The following THEMIS2 variants were observed in gnomAD, a reference collection of about 807,000 sequenced individuals.
THEMIS2 encodes the protein protein THEMIS2.
In THEMIS2, 29 loss-of-function variants were observed where a neutral mutation model predicts 46.8. That is an observed-to-expected ratio of 0.62 (90% confidence interval 0.46 to 0.84). THEMIS2 has a LOEUF of 0.84. Ranked by LOEUF, THEMIS2 falls within the 40% of genes least tolerant of loss-of-function variation. THEMIS2 has a pLI of 0.00. For synonymous variants in THEMIS2, 335 were observed against 349.1 expected (o/e 0.96, Z 0.45); for missense variants, 698 against 834.7 (o/e 0.84, Z 2.02).
chr1:27,886,356 C>T lies in THEMIS2; in HGVS notation c.*434C>T, dbSNP rs1340828311. Reference sequence around the variant, plus strand: ...CTCTCACCCCCAAGCTCTAAGCCCCCGGGAGGCCTGGACTGTCTTCCTCAT... The same window carrying T: ...CTCTCACCCCCAAGCTCTAAGCCCCTGGGAGGCCTGGACTGTCTTCCTCAT... On this transcript the variant is annotated 3_prime_UTR_variant, in exon 6 of 6. Coordinates refer to ENST00000373921, the MANE Select transcript of THEMIS2 (RefSeq NM_001105556.3). 4 of 205,248 alleles carry T rather than the reference C, an allele frequency of 1.9e-5. No homozygotes were observed. Among genetic ancestry groups the T allele is most frequent in the East Asian group, 2.8e-4 (2 of 7,110 alleles). 12.7% of individuals were successfully genotyped at this position (205,248 alleles called of 1,614,324 possible).
In THEMIS2 at chr1:27,882,755, G is replaced by A. The variant is rs78487802; in HGVS notation, c.1431G>A (p.Leu477=). ...TGACCTCCTTCCTGGGCCTGCGGCT[G>A]GAGGAGAAGATCACAGAGCCATTCT... is the stretch of plus-strand genomic sequence containing the variant. ...DPLTSFLGLR[L]EEKITEPFLV... Residue 477 remains leucine, a synonymous_variant, in exon 4 of 6, where the codon CTG becomes CTA. Coordinates refer to ENST00000373921, the MANE Select transcript of THEMIS2 (RefSeq NM_001105556.3). The surrounding 1 kb of genome is among the most constrained non-coding windows in gnomAD (Gnocchi z 7.6). 8.9e-4 allele frequency: 1,443 copies of A among 1,613,980 alleles called. 21 individuals are homozygous for A. In the African/African-American group the frequency reaches 0.017, roughly 19 times the overall value.
chr1:27,886,043 T>C lies in THEMIS2; in HGVS notation c.*121T>C. The C allele has an allele frequency of 1.1e-6, 1 of 893,508 alleles. No homozygotes were observed. The highest frequency in any genetic ancestry group is 1.7e-5 in the African/African-American group (1 of 59,450). 55.3% of individuals were successfully genotyped at this position (893,508 alleles called of 1,614,324 possible). A position where few individuals can be genotyped will look rare whatever the true frequency, so the allele number is the denominator to read the frequency against. ...CAGAAACTGAGCTGCAGACGGGGAGTAGCTTTGTGGAAACTGATTTGATGG... is the reference window on the plus strand; with the variant it reads ...CAGAAACTGAGCTGCAGACGGGGAGCAGCTTTGTGGAAACTGATTTGATGG... On this transcript the variant is annotated 3_prime_UTR_variant, in exon 6 of 6. Coordinates refer to ENST00000373921, the MANE Select transcript of THEMIS2 (RefSeq NM_001105556.3).
chr1:27,879,587 G>A, intron 2 of THEMIS2, 57 bp from the exon 3 acceptor site: 2 of 1,476,340 alleles, frequency 1.4e-6, no homozygotes, highest in East Asian at 2.3e-5. Flanking sequence ...CCTGACAAAG[G>A]CCTGCCCCAC....
At chr1:27,875,845 T>C (rs980844287) in intron 1 of THEMIS2, among the ~76,000 whole-genome samples, 10 of 151,992 alleles carry the variant, frequency 6.6e-5, no homozygotes, top group East Asian at 1.9e-4. Flanking sequence ...GAACTACAGG[T>C]GCCCGCCACC....
In THEMIS2 at chr1:27,885,230, G is replaced by A. The variant is rs571140318; in HGVS notation, c.1720-65G>A. The A allele has an allele frequency of 1.7e-5, 26 of 1,565,894 alleles. No homozygotes were observed. In the East Asian group the frequency reaches 2.0e-4, roughly 12 times the overall value. On this transcript the variant is annotated intron_variant, in intron 4 of 5. Coordinates refer to ENST00000373921, the MANE Select transcript of THEMIS2 (RefSeq NM_001105556.3). Reference sequence around the variant, plus strand: ...GAAGTGACACTTAACGTGAATGACCGTTTTTCATGGACTCTGCTTCCCCAT... The same window carrying A: ...GAAGTGACACTTAACGTGAATGACCATTTTTCATGGACTCTGCTTCCCCAT...
chr1:27,885,960 A>G lies in THEMIS2; in HGVS notation c.*38A>G. On this transcript the variant is annotated 3_prime_UTR_variant, in exon 6 of 6. Transcript: ENST00000373921. Reference sequence around the variant, plus strand: ...CCACGCTTCCTAACTGCTGCTTCTCAGGGAATCCGACACCAGCCAACCATT... The same window carrying G: ...CCACGCTTCCTAACTGCTGCTTCTCGGGGAATCCGACACCAGCCAACCATT... The G allele has an allele frequency of 1.2e-6, 2 of 1,605,278 alleles. No homozygotes were observed. Among genetic ancestry groups the G allele is most frequent in the Non-Finnish European group, 8.5e-7 (1 of 1,172,110 alleles).
Position 27,882,504 on chromosome 1 carries a change from G to C in THEMIS2, c.1180G>C (p.Val394Leu). The change falls in exon 4 of 6, where the codon GTT becomes CTT. Residue 394 changes from valine to leucine, a missense_variant. Transcript: ENST00000373921. The surrounding 1 kb of genome is among the most constrained non-coding windows in gnomAD (Gnocchi z 7.6). ...GAQGSDVDVL[V>L]CQRLSDQAGE... Reference sequence around the variant, plus strand: ...CCAGGGCAGTGACGTGGATGTCTTGGTTTGTCAGCGGCTGAGTGACCAGGC... The same window carrying C: ...CCAGGGCAGTGACGTGGATGTCTTGCTTTGTCAGCGGCTGAGTGACCAGGC... 1 of 1,613,590 alleles carries C rather than the reference G, an allele frequency of 6.2e-7. No homozygotes were observed. The highest frequency in any genetic ancestry group is 8.5e-7 in the Non-Finnish European group (1 of 1,179,536).
chr1:27,880,942 T>TA (rs975795332), intron 3 of THEMIS2, among the ~76,000 whole-genome samples: 2 of 151,806 alleles, frequency 1.3e-5, no homozygotes, highest in African/African-American at 4.8e-5. Context: ...CATGCCCAGA[T>TA]AATTTTTTTG....
rs777051868 is a variant in THEMIS2, at chr1:27,882,534, G to T, written c.1210G>T (p.Glu404Ter). The stretch of plus-strand genomic sequence containing the variant: ...TCAGCGGCTGAGTGACCAGGCTGGG[G>T]AGGATGAGGAGGAAGAGTGCAAAGA... Reference protein sequence around the residue: ...VCQRLSDQAGEDEEEECKEEA... With the variant: ...VCQRLSDQAG The change falls in exon 4 of 6, where the codon GAG becomes TAG. Residue 404 changes from glutamate to a stop codon, truncating the protein, a stop_gained. Transcript: ENST00000373921. LOFTEE classifies it high-confidence loss of function. The surrounding 1 kb of genome is among the most constrained non-coding windows in gnomAD (Gnocchi z 7.6). 1 of 1,614,138 alleles carries T rather than the reference G, an allele frequency of 6.2e-7. No individual in the cohort carries two copies. Among genetic ancestry groups the T allele is most frequent in the South Asian group, 1.1e-5 (1 of 91,090 alleles).
Position 27,885,997 on chromosome 1 carries a change from A to C in THEMIS2, c.*75A>C, listed in dbSNP as rs2089765259. 1 of 1,467,318 alleles carries C rather than the reference A, an allele frequency of 6.8e-7. No individual in the cohort carries two copies. Among genetic ancestry groups the C allele is most frequent in the East Asian group, 2.3e-5 (1 of 44,110 alleles). The allele number at this position is 1,467,318 out of a possible 1,614,324, so 90.9% of individuals were successfully genotyped here. ...ACCAGCCAACCATTTTAAGCCTCTA[A>C]AAGACCTCGGGCAAGTCTCACAGAA... is the stretch of plus-strand genomic sequence containing the variant. On this transcript the variant is annotated 3_prime_UTR_variant, in exon 6 of 6. Transcript: ENST00000373921.
chr1:27,886,388 A>G lies in THEMIS2; in HGVS notation c.*466A>G, dbSNP rs891723176. ...CCTGGACTGTCTTCCTCATCTCTGT[A>G]GCACCAAGCCTGATAGATCTGTATA... is the stretch of plus-strand genomic sequence containing the variant. On this transcript the variant is annotated 3_prime_UTR_variant, in exon 6 of 6. Transcript: ENST00000373921. The G allele has an allele frequency of 2.2e-5, 4 of 180,356 alleles. No individual in the cohort carries two copies. Among genetic ancestry groups the G allele is most frequent in the East Asian group, 1.6e-4 (1 of 6,194 alleles). 11.2% of individuals were successfully genotyped at this position (180,356 alleles called of 1,614,324 possible). A position where few individuals can be genotyped will look rare whatever the true frequency, so the allele number is the denominator to read the frequency against.
chr1:27,877,029 G>A (rs900565136), intron 2 of THEMIS2, among the ~76,000 whole-genome samples: 2 of 152,202 alleles, frequency 1.3e-5, no homozygotes, highest in Non-Finnish European at 1.5e-5. Context: ...CCAAACATCT[G>A]CAGACACCCA....
intron 5 of THEMIS2, 43 bp from the exon 6 acceptor site, chr1:27,885,824 T>TA: frequency 6.2e-7 from 1 of 1,603,856 alleles, no homozygotes. Flanking sequence ...GGAAGGAACT[T>TA]GCCTAACGCT....
At chr1:27,877,320 A>AT (rs200817055) in intron 2 of THEMIS2, among the ~76,000 whole-genome samples, 14 of 151,436 alleles carry the variant, frequency 9.2e-5, no homozygotes, top group South Asian at 6.3e-4. Context: ...AATTCTTATT[A>AT]TTTTTTTTTA....
rs373419453 is a variant in THEMIS2, at chr1:27,879,243, G to A, written c.236-401G>A. Among the ~76,000 whole-genome samples, 5 of 152,218 alleles carry A rather than the reference G, an allele frequency of 3.3e-5. No individual in the cohort carries two copies. In the East Asian group the frequency reaches 7.7e-4, roughly 24 times the overall value. ...GGATGTTCGTTTGGGAGAGAGGGAC[G>A]GCAGGTTTTGGATGAGTGGGATCGG... On this transcript the variant is annotated intron_variant, in intron 2 of 5. Coordinates refer to ENST00000373921, the MANE Select transcript of THEMIS2 (RefSeq NM_001105556.3).
chr1:27,878,122 C>CA (rs71586806), intron 2 of THEMIS2, among the ~76,000 whole-genome samples: 36,329 of 77,396 alleles, frequency 0.47, 7,427 homozygotes, highest in African/African-American at 0.57. Flanking sequence ...CTCTGTCTCT[C>CA]AAAAAAAAAA....
Position 27,882,696 on chromosome 1 carries a change from G to A in THEMIS2, c.1372G>A (p.Val458Met). 4.3e-6 allele frequency: 7 copies of A among 1,614,050 alleles called. No homozygotes were observed. The highest frequency in any genetic ancestry group is 5.9e-6 in the Non-Finnish European group (7 of 1,180,010). ...QFSLPCEVKV[V>M]AKDTSHPTDP... ...TTCACTGCCTTGTGAGGTCAAGGTGGTGGCCAAGGACACCAGCCACCCCAC... is the reference window on the plus strand; with the variant it reads ...TTCACTGCCTTGTGAGGTCAAGGTGATGGCCAAGGACACCAGCCACCCCAC... The change falls in exon 4 of 6, where the codon GTG (valine) becomes ATG (methionine). Residue 458 changes from valine (V) to methionine (M), a missense_variant. Transcript: ENST00000373921. This position sits in a 1 kb window ranked among gnomAD's most constrained non-coding sequence, Gnocchi z 7.6.
At chr1:27,880,110 C>T (rs1396153711) in intron 3 of THEMIS2, 56 bp downstream of exon 3, 4 of 1,515,206 alleles carry the variant, frequency 2.6e-6, no homozygotes, top group Non-Finnish European at 3.6e-6. Context: ...GAGGGTTGCC[C>T]CTGGGAGCTG....
Position 27,879,962 on chromosome 1 carries a change from C to G in THEMIS2, c.554C>G (p.Pro185Arg). 6.2e-7 allele frequency: 1 copy of G among 1,612,682 alleles called. No individual in the cohort carries two copies. Among genetic ancestry groups the G allele is most frequent in the Non-Finnish European group, 8.5e-7 (1 of 1,179,414 alleles). ...ACTCTGCTCCAGGTCCTACAGGATC[C>G]AGCCCTGAAAGACCTCGTCCTCACC... ...PRTLLQVLQD[P>R]ALKDLVLTCP... The change falls in exon 3 of 6, where the codon CCA becomes CGA. Residue 185 changes from proline to arginine, a missense_variant. Transcript: ENST00000373921.
Sources: gnomAD v4.1 joint callset for allele counts (sites outside exome capture counted in the v4.1 genomes callset) on GRCh38, gnomAD v4.1.1 for gene constraint, Gnocchi (gnomAD v3.1) non-coding constraint, MANE v1.5 for transcripts, NCBI Gene and HGNC (gene_info 2026-07-23, HGNC 2026-07-21) for gene names.